CERS3: variants seen among roughly 807,000 people sequenced by gnomAD.
CERS3 encodes LAG1 homolog, ceramide synthase 3.
Under a neutral mutation model 50.3 loss-of-function variants are expected in CERS3, and 33 were observed. The ratio of observed to expected loss-of-function variants is 0.66; its 90% CI spans 0.50 to 0.88. The LOEUF is 0.88. Among genes scored for constraint, CERS3 ranks in the 40% least tolerant of loss-of-function variants. The pLI is 0.00. For missense variants in CERS3, 470 were observed against 460.3 expected, an observed-to-expected ratio of 1.02 and a Z score of -0.19; for synonymous variants, 176 against 155.2, an observed-to-expected ratio of 1.13 and a Z score of -0.99.
chr15:100,457,178 C>T (rs1389894448), intron 10 of CERS3, among the ~76,000 whole-genome samples: 1 of 152,034 alleles, frequency 6.6e-6, no homozygotes, highest in African/African-American at 2.4e-5. Context: ...TTTTCCTATA[C>T]AATTTTTTAA....
At chr15:100,518,835 G>A (rs1226932737) in intron 2 of CERS3, among the ~76,000 whole-genome samples, 1 of 152,144 alleles carries the variant, frequency 6.6e-6, no homozygotes, top group Non-Finnish European at 1.5e-5. Context: ...TTTTTAAAAT[G>A]CTTTCTGTAA....
intron 10 of CERS3, among the ~76,000 whole-genome samples, chr15:100,459,947 A>G (rs1596698955): frequency 6.6e-6 from 1 of 151,774 alleles, no homozygotes; most frequent in East Asian, 1.9e-4. Flanking sequence ...GCATCTGTCC[A>G]TTTTTCTATT....
chr15:100,544,551 G>A (rs999260840), intron 1 of CERS3: 11 of 149,048 alleles, frequency 7.4e-5, no homozygotes, highest in Non-Finnish European at 1.5e-4. Context: ...GCACCTGCGG[G>A]GGGCGCGGTC....
At chr15:100,425,628 T>C (rs944098508) in intron 11 of CERS3, among the ~76,000 whole-genome samples, 4 of 152,234 alleles carry the variant, frequency 2.6e-5, no homozygotes, top group South Asian at 4.1e-4. Context: ...TACAGGCTCA[T>C]AGGCAGAAGA....
Position 100,490,949 on chromosome 15 carries a change from GA to G in CERS3, c.174-19del, listed in dbSNP as rs537938153. On this transcript the variant is annotated intron_variant, in intron 3 of 11. Coordinates refer to ENST00000679737, the MANE Select transcript of CERS3 (RefSeq NM_001378789.1). ...CAACAAATCTACAAAAATATGAAAA[GA>G]AAAAAAGTTCAAAATCTAAGAATAA... 11 of 1,445,490 alleles carry G rather than the reference GA, an allele frequency of 7.6e-6. No individual in the cohort carries two copies. Among genetic ancestry groups the G allele is most frequent in the Admixed American group, 3.9e-5 (2 of 51,214 alleles). The allele number at this position is 1,445,490 out of a possible 1,614,324, so 89.5% of individuals were successfully genotyped here.
chr15:100,449,432 G>T (rs2034071568), intron 11 of CERS3, among the ~76,000 whole-genome samples: 1 of 152,194 alleles, frequency 6.6e-6, no homozygotes. Flanking sequence ...TGGCACCTGG[G>T]AAAGCTATCT....
rs146031671 is a variant in CERS3 at position 100,503,586 on chromosome 15, T to C, written c.-1-1736A>G. The C allele has an allele frequency of 3.5e-4, 147 of 414,908 alleles. 1 individual carries two copies. The highest frequency in any genetic ancestry group is 2.6e-3 in the African/African-American group (126 of 48,838). 25.7% of individuals were successfully genotyped at this position (414,908 alleles called of 1,614,324 possible). On this transcript the variant is annotated intron_variant, in intron 2 of 11. Coordinates refer to ENST00000679737, the MANE Select transcript of CERS3 (RefSeq NM_001378789.1). ...CTCCTCTGTGAGCCCATAGGGTGTC[T>C]TTGTGCTGATTAGAGGAAGGTATTC...
At chr15:100,495,570 T>C (rs1430084740) in intron 3 of CERS3, among the ~76,000 whole-genome samples, 3 of 152,226 alleles carry the variant, frequency 2.0e-5, no homozygotes, top group African/African-American at 7.2e-5. Flanking sequence ...TGTTTTCTAT[T>C]TGTATATCTT....
intron 11 of CERS3, among the ~76,000 whole-genome samples, chr15:100,446,365 T>G (rs2033941480): frequency 2.8e-5 from 1 of 35,176 alleles, no homozygotes. Context: ...ACTTCTCAGG[T>G]TTTTTTTTTT....
chr15:100,467,877 A>AGATAGATAGATG (rs1402031184), intron 10 of CERS3, among the ~76,000 whole-genome samples: 1 of 57,644 alleles, frequency 1.7e-5, no homozygotes, highest in Non-Finnish European at 5.4e-5. Context: ...ATAGATAGAT[A>AGATAGATAGATG]GATATAGATA....
chr15:100,441,035 TGC>T (rs1411384706), intron 11 of CERS3, among the ~76,000 whole-genome samples: 1 of 152,210 alleles, frequency 6.6e-6, no homozygotes, highest in African/African-American at 2.4e-5. Context: ...CACGCAGGGA[TGC>T]CTGCCTTGGT....
At chr15:100,417,719 C>G (rs995865369) in intron 11 of CERS3, among the ~76,000 whole-genome samples, 1 of 151,890 alleles carries the variant, frequency 6.6e-6, no homozygotes, top group African/African-American at 2.4e-5. Context: ...TCTCCCAGCA[C>G]GCAGCTGGAG....
At chr15:100,454,176 A>G (rs538452686) in intron 11 of CERS3, among the ~76,000 whole-genome samples, 24 of 152,244 alleles carry the variant, frequency 1.6e-4, no homozygotes, top group African/African-American at 5.5e-4. Context: ...GAATCGCTTG[A>G]CCCCAAGAGT....
At chr15:100,466,612 T>C (rs1006081191) in intron 10 of CERS3, among the ~76,000 whole-genome samples, 1 of 151,952 alleles carries the variant, frequency 6.6e-6, no homozygotes, top group African/African-American at 2.4e-5. Context: ...GCAGGTGCCA[T>C]GCGATGAGGA....
Position 100,415,172 on chromosome 15 carries a change from A to C in CERS3, c.1000-12307T>G, listed in dbSNP as rs373515698. Among the ~76,000 whole-genome samples the C allele has an allele frequency of 1.1e-4, 17 of 152,334 alleles. 1 individual carries two copies. In the South Asian group the frequency reaches 3.3e-3, roughly 30 times the overall value. On this transcript the variant is annotated intron_variant, in intron 11 of 11. Transcript: ENST00000679737. ...ATGCATCCAACAAACATATGAGAAA[A>C]AGTTCAACATCACTGATCATTAGAG...
At chr15:100,465,156 G>A (rs937948834) in intron 10 of CERS3, among the ~76,000 whole-genome samples, 3 of 152,048 alleles carry the variant, frequency 2.0e-5, no homozygotes, top group Admixed American at 1.3e-4. Context: ...AACAAAAGCA[G>A]CTGGAAAGAA....
chr15:100,405,555 A>T (rs1040742648), intron 11 of CERS3, among the ~76,000 whole-genome samples: 2 of 152,232 alleles, frequency 1.3e-5, no homozygotes, highest in Non-Finnish European at 2.9e-5. Flanking sequence ...TGAATCTTAA[A>T]GACATTATGC....
chr15:100,524,759 G>A (rs1365813756), intron 1 of CERS3, among the ~76,000 whole-genome samples: 1 of 152,172 alleles, frequency 6.6e-6, no homozygotes, highest in Non-Finnish European at 1.5e-5. Flanking sequence ...CATTATTGAA[G>A]AAAATGTTTT....
intron 11 of CERS3, among the ~76,000 whole-genome samples, chr15:100,407,438 A>G (rs1218329580): frequency 6.6e-6 from 1 of 152,268 alleles, no homozygotes; most frequent in Non-Finnish European, 1.5e-5. Context: ...GCAGTCCTGC[A>G]ATGTGCTGAC....
Sources: allele counts gnomAD v4.1 joint callset (sites outside exome capture counted in the v4.1 genomes callset), GRCh38; gene constraint gnomAD v4.1.1; transcripts MANE v1.5; gene names NCBI Gene and HGNC (gene_info 2026-07-23, HGNC 2026-07-21).